NUBPL: variants seen among roughly 807,000 people sequenced by gnomAD.
NUBPL encodes iron-sulfur cluster transfer protein NUBPL.
NUBPL carries 31 observed loss-of-function variants against 45.7 expected under a neutral mutation model. The observed-to-expected ratio is 0.68, with a 90% CI of 0.51 to 0.92. The LOEUF (loss-of-function observed/expected upper bound fraction) is 0.92, where lower values mean the gene tolerates loss of function less well. Ranked by LOEUF, NUBPL falls within the 40% of genes least tolerant of loss-of-function variation. The probability of loss-of-function intolerance (pLI) is 0.00; values close to 1 mark genes in which losing one functional copy is unlikely to be tolerated. For synonymous variants in NUBPL, 144 were observed against 140.9 expected (o/e 1.02, Z -0.15); for missense variants, 401 against 398.7 (o/e 1.01, Z -0.05).
intron 3 of NUBPL, among the ~76,000 whole-genome samples, chr14:31,571,706 TC>T (rs1405959732): frequency 6.6e-6 from 1 of 152,182 alleles, no homozygotes; most frequent in East Asian, 1.9e-4. Context: ...CACCTCGGCC[TC>T]CCAAAGTGCT....
intron 3 of NUBPL, among the ~76,000 whole-genome samples, chr14:31,595,528 T>G (rs1359308461): frequency 6.6e-6 from 1 of 152,180 alleles, no homozygotes; most frequent in Non-Finnish European, 1.5e-5. Context: ...CTTTCTTGAG[T>G]AAATAAAATT....
intron 4 of NUBPL, among the ~76,000 whole-genome samples, chr14:31,664,171 A>G (rs976719306): frequency 6.6e-6 from 1 of 152,168 alleles, no homozygotes; most frequent in Non-Finnish European, 1.5e-5. Flanking sequence ...ATAAACAATC[A>G]TGTCATCTGC....
intron 7 of NUBPL, among the ~76,000 whole-genome samples, chr14:31,792,701 G>GA (rs368282879): frequency 2.3e-4 from 35 of 150,894 alleles, no homozygotes; most frequent in African/African-American, 8.0e-4. Context: ...AACAAAAAAA[G>GA]AAAAAAAAAG....
At chr14:31,639,952 G>A (rs1052378452) in intron 4 of NUBPL, among the ~76,000 whole-genome samples, 2 of 152,176 alleles carry the variant, frequency 1.3e-5, no homozygotes, top group African/African-American at 2.4e-5. Flanking sequence ...CGCAGTATTA[G>A]GGTGGGAGTG....
At chr14:31,757,331 T>C (rs577509654) in intron 6 of NUBPL, among the ~76,000 whole-genome samples, 1 of 151,472 alleles carries the variant, frequency 6.6e-6, no homozygotes, top group African/African-American at 2.4e-5. Flanking sequence ...CATCTGGTCC[T>C]GGACTCTTTT....
At chr14:31,607,789 G>T (rs1390396310) in intron 4 of NUBPL, among the ~76,000 whole-genome samples, 1 of 152,106 alleles carries the variant, frequency 6.6e-6, no homozygotes, top group Non-Finnish European at 1.5e-5. Context: ...CCTTAAAGAA[G>T]AGGGAAAAGA....
chr14:31,717,456 T>C (rs1253525097), intron 6 of NUBPL, among the ~76,000 whole-genome samples: 1 of 152,198 alleles, frequency 6.6e-6, no homozygotes, highest in East Asian at 1.9e-4. Context: ...TGCCTTCTTT[T>C]CCCTACCTCT....
intron 10 of NUBPL, among the ~76,000 whole-genome samples, chr14:31,853,087 GTTTTGTTTTGTTT>G (rs1566599751): frequency 4.5e-5 from 5 of 110,482 alleles, no homozygotes; most frequent in East Asian, 2.0e-4. Context: ...GTTGTGTTTT[GTTTTGTTTTGTTT>G]TGTTTTGTTT....
intron 6 of NUBPL, among the ~76,000 whole-genome samples, chr14:31,744,617 CTTTTTT>C (rs34367142): frequency 0.052 from 5,457 of 103,962 alleles, 101 homozygotes; most frequent in Admixed American, 0.082. Context: ...TTTGTAGAAT[CTTTTTT>C]TTTTTTTTTT....
intron 8 of NUBPL, among the ~76,000 whole-genome samples, chr14:31,831,084 C>T (rs1247628195): frequency 6.6e-6 from 1 of 152,022 alleles, no homozygotes; most frequent in African/African-American, 2.4e-5. Context: ...CGCTCTGTCA[C>T]CCAGGTTGGA....
chr14:31,831,244 T>C (rs988969565), intron 8 of NUBPL, among the ~76,000 whole-genome samples: 1 of 151,746 alleles, frequency 6.6e-6, no homozygotes. Context: ...GGTTTCACCA[T>C]GTTGGCCAGG....
chr14:31,588,987 A>G (rs1464551934), intron 3 of NUBPL, among the ~76,000 whole-genome samples: 1 of 152,062 alleles, frequency 6.6e-6, no homozygotes, highest in Non-Finnish European at 1.5e-5. Context: ...TTATCAAAAA[A>G]TTGTTACTAC....
intron 6 of NUBPL, among the ~76,000 whole-genome samples, chr14:31,733,864 A>G (rs974409469): frequency 6.6e-6 from 1 of 152,228 alleles, no homozygotes; most frequent in African/African-American, 2.4e-5. Flanking sequence ...TAGGAAAAGC[A>G]TTTAATGTCC....
chr14:31,772,012 A>G, intron 6 of NUBPL: 1 of 383,006 alleles, frequency 2.6e-6, no homozygotes, highest in Non-Finnish European at 3.6e-6. Flanking sequence ...AGATACTCTT[A>G]GGGGGCTTCA....
intron 8 of NUBPL, among the ~76,000 whole-genome samples, chr14:31,841,053 G>A (rs1027926690): frequency 1.3e-5 from 2 of 152,194 alleles, no homozygotes; most frequent in Non-Finnish European, 2.9e-5. Context: ...TTGCTCTGTA[G>A]CATTCCATTA....
At position 31,779,804 on chromosome 14, in the gene NUBPL, C is replaced by T. The variant is rs2039159938; in HGVS notation, c.514-7976C>T. Among the ~76,000 whole-genome samples the T allele has an allele frequency of 2.6e-5, 4 of 152,110 alleles. No homozygotes were observed. In the South Asian group the frequency reaches 8.3e-4, roughly 32 times the overall value. On this transcript the variant is annotated intron_variant, in intron 6 of 10. Transcript: ENST00000281081. ...CCTTAGAAGCATAACTTTTTCTCTC[C>T]ACAGTGATCATCTAAGAAATCTCAG...
intron 4 of NUBPL, among the ~76,000 whole-genome samples, chr14:31,637,246 A>G (rs1021944221): frequency 6.6e-6 from 1 of 152,164 alleles, no homozygotes; most frequent in African/African-American, 2.4e-5. Context: ...ATTTCCCTCT[A>G]CATACTGCTT....
intron 6 of NUBPL, among the ~76,000 whole-genome samples, chr14:31,704,854 C>G (rs759513092): frequency 9.9e-5 from 15 of 152,184 alleles, no homozygotes; most frequent in Non-Finnish European, 1.9e-4. Flanking sequence ...GTCTCGCTGA[C>G]TTCAAGAATG....
intron 3 of NUBPL, among the ~76,000 whole-genome samples, chr14:31,565,305 G>C (rs2033407862): frequency 6.6e-6 from 1 of 151,990 alleles, no homozygotes; most frequent in Non-Finnish European, 1.5e-5. Flanking sequence ...AACCAATTTT[G>C]CCTTTATGAT....
Sources: gnomAD v4.1 joint callset for allele counts (sites outside exome capture counted in the v4.1 genomes callset) on GRCh38, gnomAD v4.1.1 for gene constraint, MANE v1.5 for transcripts, NCBI Gene and HGNC (gene_info 2026-07-23, HGNC 2026-07-21) for gene names.